PTPRQ: variants seen among roughly 807,000 people sequenced by gnomAD.
PTPRQ encodes the protein phosphatidylinositol phosphatase PTPRQ.
In PTPRQ, 199 loss-of-function variants were observed where a neutral mutation model predicts 246.0. The ratio of observed to expected loss-of-function variants is 0.81; its 90% CI spans 0.72 to 0.91. PTPRQ has a LOEUF of 0.91. Among genes scored for constraint, PTPRQ ranks in the 40% least tolerant of loss-of-function variants. The pLI is 0.00. For missense variants in PTPRQ, 2,624 were observed against 2,528.4 expected (o/e 1.04, Z -0.81); for synonymous variants, 869 against 853.2 (o/e 1.02, Z -0.32).
At chr12:80,498,979 AT>A (rs1338126058) in intron 14 of PTPRQ, among the ~76,000 whole-genome samples, 3 of 152,042 alleles carry the variant, frequency 2.0e-5, no homozygotes, top group Admixed American at 6.6e-5. Context: ...GTGAATATAA[AT>A]TTTGAGATTT....
At chr12:80,605,294 CT>C in intron 27 of PTPRQ, 114 bp downstream of exon 27, 2 of 1,315,320 alleles carry the variant, frequency 1.5e-6, no homozygotes, top group South Asian at 1.5e-5. Context: ...AGGAAAATTA[CT>C]TTACTTGTTT....
chr12:80,612,271 A>G (rs534811991), intron 28 of PTPRQ, among the ~76,000 whole-genome samples: 1 of 150,414 alleles, frequency 6.6e-6, no homozygotes, highest in African/African-American at 2.4e-5. Context: ...TCTAAAATAA[A>G]CTAAAATATT....
Position 80,542,087 on chromosome 12 carries a change from A to G in PTPRQ, c.3446-2A>G. On this transcript the variant is annotated splice_acceptor_variant, in intron 21 of 44. Coordinates refer to ENST00000644991, the MANE Select transcript of PTPRQ (RefSeq NM_001145026.2). LOFTEE classifies it high-confidence loss of function. ...ATTTAATATTCTCTTTTTCTTTTAT[A>G]GTCCCAGAAACTTCACCAATAATCA... is the stretch of plus-strand genomic sequence containing the variant. 11 of 1,535,686 alleles carry G rather than the reference A, an allele frequency of 7.2e-6. No individual in the cohort carries two copies. Among genetic ancestry groups the G allele is most frequent in the Non-Finnish European group, 7.9e-6 (9 of 1,143,398 alleles).
chr12:80,466,744 C>G (rs1300603985), intron 6 of PTPRQ, among the ~76,000 whole-genome samples: 1 of 152,142 alleles, frequency 6.6e-6, no homozygotes, highest in Non-Finnish European at 1.5e-5. Context: ...CTGAGAAAAA[C>G]AAGCAATGTG....
intron 39 of PTPRQ, among the ~76,000 whole-genome samples, chr12:80,663,619 C>G (rs926993996): frequency 6.6e-6 from 1 of 151,980 alleles, no homozygotes; most frequent in Non-Finnish European, 1.5e-5. Context: ...CACTGCTTCT[C>G]TCTCATCACT....
chr12:80,679,028 T>G lies in PTPRQ; in HGVS notation c.*5T>G. ...TGGGAAGAAACCACTATGTAAATAT[T>G]CAGACCAAAGGATACAATTGGAAGA... is the stretch of plus-strand genomic sequence containing the variant. On this transcript the variant is annotated 3_prime_UTR_variant, in exon 45 of 45. Transcript: ENST00000644991. 6.5e-7 allele frequency: 1 copy of G among 1,546,804 alleles called. No homozygotes were observed.
At chr12:80,597,809 G>C (rs1417505114) in intron 26 of PTPRQ, among the ~76,000 whole-genome samples, 2 of 151,972 alleles carry the variant, frequency 1.3e-5, no homozygotes, top group African/African-American at 4.8e-5. Flanking sequence ...TAGTGCCTCA[G>C]AAACTGCTTT....
chr12:80,638,484 G>A lies in PTPRQ; in HGVS notation c.5915+3411G>A, dbSNP rs191111943. On this transcript the variant is annotated intron_variant, in intron 35 of 44. Transcript: ENST00000644991. ...TTAATTTTAGGAAGTTACCAACTAG[G>A]CAAAAATAAAACAAAAAACAAACAT... 4.6e-5 allele frequency among the ~76,000 whole-genome samples: 7 copies of A among 152,076 alleles called. No homozygotes were observed. The East Asian group carries it at 1.2e-3, about 25-fold the overall frequency.
At chr12:80,618,638 A>G (rs1462087935) in intron 30 of PTPRQ, among the ~76,000 whole-genome samples, 1 of 151,560 alleles carries the variant, frequency 6.6e-6, no homozygotes, top group East Asian at 1.9e-4. Context: ...AAAGCTAATT[A>G]TTGTAAAACA....
At chr12:80,608,195 G>T (rs1451042677) in intron 27 of PTPRQ, among the ~76,000 whole-genome samples, 3 of 150,468 alleles carry the variant, frequency 2.0e-5, no homozygotes, top group African/African-American at 7.3e-5. Context: ...GAGTCTAATT[G>T]CTGATAATGA....
At position 80,467,280 on chromosome 12, in the gene PTPRQ, A is replaced by G. The variant is rs185721878; in HGVS notation, c.911-1430A>G. ...GATGCTCACCATCACTGGCCATCAG[A>G]TAAATGCAAATCAAAACCACAATGA... On this transcript the variant is annotated intron_variant, in intron 6 of 44. Transcript: ENST00000644991. Among the ~76,000 whole-genome samples, 1,018 of 152,238 alleles carry G rather than the reference A, an allele frequency of 6.7e-3. 10 individuals carry two copies. Among genetic ancestry groups the G allele is most frequent in the African/African-American group, 0.023 (961 of 41,564 alleles).
At chr12:80,519,924 A>G (rs993458412) in intron 17 of PTPRQ, among the ~76,000 whole-genome samples, 6 of 152,142 alleles carry the variant, frequency 3.9e-5, no homozygotes, top group African/African-American at 1.4e-4. Context: ...ATGGTGAGCT[A>G]CAATTGTTTT....
At position 80,475,552 on chromosome 12, in the gene PTPRQ, T is replaced by C. The variant is rs149952069; in HGVS notation, c.1186+3301T>C. Among the ~76,000 whole-genome samples, 160 of 152,194 alleles carry C rather than the reference T, an allele frequency of 1.1e-3. 1 individual carries two copies. Among genetic ancestry groups the C allele is most frequent in the African/African-American group, 3.8e-3 (157 of 41,558 alleles). ...TAATTTTGTATCAATATTAAAGTCT[T>C]CTCTAGTTTCCCCATAAGAATTTGT... On this transcript the variant is annotated intron_variant, in intron 8 of 44. Transcript: ENST00000644991.
chr12:80,579,753 A>G (rs1021725832), intron 25 of PTPRQ, among the ~76,000 whole-genome samples: 15 of 152,138 alleles, frequency 9.9e-5, no homozygotes, highest in Non-Finnish European at 1.6e-4. Flanking sequence ...AATGTTAGCA[A>G]ATTTTACTTT....
intron 35 of PTPRQ, among the ~76,000 whole-genome samples, chr12:80,644,831 A>G (rs1182072523): frequency 6.6e-6 from 1 of 152,114 alleles, no homozygotes. Flanking sequence ...ATACACCTAT[A>G]CAACATGAGG....
intron 8 of PTPRQ, among the ~76,000 whole-genome samples, chr12:80,480,801 A>T (rs1432690094): frequency 6.6e-6 from 1 of 152,224 alleles, no homozygotes; most frequent in Non-Finnish European, 1.5e-5. Flanking sequence ...CTCGACACAT[A>T]CACTCTCCCA....
intron 29 of PTPRQ, among the ~76,000 whole-genome samples, chr12:80,615,311 A>C (rs998848733): frequency 4.0e-5 from 6 of 151,214 alleles, no homozygotes; most frequent in African/African-American, 1.4e-4. Flanking sequence ...ATATTAACTC[A>C]ATAAAAACAT....
At chr12:80,505,873 T>C in intron 14 of PTPRQ, 151 bp from the exon 15 acceptor site, 1 of 933,914 alleles carries the variant, frequency 1.1e-6, no homozygotes. Flanking sequence ...CTGTAATTTA[T>C]TTATACTTTA....
Position 80,476,720 on chromosome 12 carries a change from T to A in PTPRQ, c.1186+4469T>A, listed in dbSNP as rs545854140. On this transcript the variant is annotated intron_variant, in intron 8 of 44. Coordinates refer to ENST00000644991, the MANE Select transcript of PTPRQ (RefSeq NM_001145026.2). Reference sequence around the variant, plus strand: ...TCCCTTTTAAGACTATATGCCTGTCTTCTAACTAGAATTTGCTAAACCTGT... The same window carrying A: ...TCCCTTTTAAGACTATATGCCTGTCATCTAACTAGAATTTGCTAAACCTGT... Among the ~76,000 whole-genome samples the A allele has an allele frequency of 9.8e-5, 15 of 152,320 alleles. No homozygotes were observed. The South Asian group carries it at 3.1e-3, about 32-fold the overall frequency.
Sources: gnomAD v4.1 joint callset for allele counts (sites outside exome capture counted in the v4.1 genomes callset) on GRCh38, gnomAD v4.1.1 for gene constraint, MANE v1.5 for transcripts, NCBI Gene and HGNC (gene_info 2026-07-23, HGNC 2026-07-21) for gene names.